PDCD1: variants seen among roughly 807,000 people sequenced by gnomAD.
PDCD1 encodes the protein programmed cell death 1, also known as programmed cell death protein 1.
Under a neutral mutation model 23.6 loss-of-function variants are expected in PDCD1, and 10 were observed. The observed-to-expected ratio is 0.42, with a 90% CI of 0.26 to 0.72. The LOEUF is 0.72. PDCD1 is among the 30% of genes least tolerant of loss of function. The pLI, the probability that PDCD1 is intolerant of heterozygous loss-of-function variation, is 0.24. For missense variants in PDCD1, 313 were observed against 397.8 expected (o/e 0.79, Z 1.81); for synonymous variants, 168 against 169.3 (o/e 0.99, Z 0.06).
chr2:241,851,238 C>T lies in PDCD1; in HGVS notation c.687G>A (p.Gln229=), dbSNP rs2124856493. ...FSVDYGELDF[Q]WREKTPEPPV... is the part of the protein sequence containing the mutation. The stretch of plus-strand genomic sequence containing the variant: ...GGGGCTCCGGGGTCTTCTCTCGCCA[C>T]TGGAAATCCAGCTCCCCATAGTCCA... Residue 229 remains glutamine, a synonymous_variant, in exon 5 of 5, where the codon CAG becomes CAA. Transcript: ENST00000334409. 6.2e-7 allele frequency: 1 copy of T among 1,613,902 alleles called. No homozygotes were observed. Among genetic ancestry groups the T allele is most frequent in the African/African-American group, 1.3e-5 (1 of 75,044 alleles).
chr2:241,857,428 G>A (rs1321008300), intron 1 of PDCD1, among the ~76,000 whole-genome samples: 3 of 152,162 alleles, frequency 2.0e-5, no homozygotes, highest in Admixed American at 6.5e-5. Context: ...GTGGCGTCCC[G>A]AGGGCGTGCC....
chr2:241,856,077 G>C (rs1701018491), intron 1 of PDCD1, among the ~76,000 whole-genome samples: 1 of 152,314 alleles, frequency 6.6e-6, no homozygotes, highest in Admixed American at 6.5e-5. Context: ...CAGAGCCTGG[G>C]GGATGCTTCT....
rs778717227 is a variant in PDCD1 at position 241,851,253 on chromosome 2, C to T, written c.672G>A (p.Gly224=). 2.0e-5 allele frequency: 32 copies of T among 1,613,694 alleles called. No individual in the cohort carries two copies. The highest frequency in any genetic ancestry group is 2.5e-5 in the Non-Finnish European group (30 of 1,179,916). ...SAVPVFSVDY[G]ELDFQWREKT... ...TCTCTCGCCACTGGAAATCCAGCTC[C>T]CCATAGTCCACAGAGAACACAGGCA... The change falls in exon 5 of 5, where the codon GGG becomes GGA. Residue 224 remains glycine (G), a synonymous_variant. Coordinates refer to ENST00000334409, the MANE Select transcript of PDCD1 (RefSeq NM_005018.3).
At chr2:241,856,531 G>T (rs1189740191) in intron 1 of PDCD1, among the ~76,000 whole-genome samples, 1 of 152,192 alleles carries the variant, frequency 6.6e-6, no homozygotes, top group Admixed American at 6.5e-5. Context: ...TTAAAAATCA[G>T]ACTTTAAAAA....
intron 1 of PDCD1, among the ~76,000 whole-genome samples, chr2:241,857,447 C>T (rs1436445826): frequency 5.3e-5 from 8 of 152,160 alleles, no homozygotes; most frequent in South Asian, 2.1e-4. Context: ...CCTGAAGAGC[C>T]GGGACACGGG....
chr2:241,851,937 A>T lies in PDCD1; in HGVS notation c.627+12T>A, dbSNP rs774753692. ...GGCACAGTGGATCATGCAGGAAAAG[A>T]GTGAGACTCACCAGGGGCTGGCCGG... On this transcript the variant is annotated intron_variant, in intron 4 of 4. Coordinates refer to ENST00000334409, the MANE Select transcript of PDCD1 (RefSeq NM_005018.3). The T allele has an allele frequency of 1.9e-6, 3 of 1,613,276 alleles. No individual in the cohort carries two copies. Among genetic ancestry groups the T allele is most frequent in the Non-Finnish European group, 1.7e-6 (2 of 1,179,450 alleles).
intron 2 of PDCD1, 53 bp from the exon 3 acceptor site, chr2:241,852,406 G>A (rs1700922661): frequency 1.5e-6 from 2 of 1,303,406 alleles, no homozygotes; most frequent in South Asian, 1.3e-5. Flanking sequence ...GGAGGGTCAG[G>A]GTCAGGGGTG....
intron 4 of PDCD1, 60 bp from the exon 5 acceptor site, chr2:241,851,357 G>C (rs1370826711): frequency 6.5e-7 from 1 of 1,538,656 alleles, no homozygotes; most frequent in South Asian, 1.2e-5. Context: ...GGAGGCCCGC[G>C]GCTCCACAGC....
chr2:241,854,621 C>T (rs1700974254), intron 1 of PDCD1, among the ~76,000 whole-genome samples: 1 of 152,186 alleles, frequency 6.6e-6, no homozygotes, highest in Non-Finnish European at 1.5e-5. Context: ...GGCTGCAGCC[C>T]TTACTGGGCC....
At chr2:241,854,174 C>T (rs897853786) in intron 1 of PDCD1, among the ~76,000 whole-genome samples, 6 of 152,210 alleles carry the variant, frequency 3.9e-5, no homozygotes, top group Non-Finnish European at 7.3e-5. Context: ...TCCCAGGGGA[C>T]GAGTGAGGGG....
At chr2:241,857,765 C>T (rs771548370) in intron 1 of PDCD1, among the ~76,000 whole-genome samples, 15 of 152,180 alleles carry the variant, frequency 9.9e-5, no homozygotes, top group Admixed American at 6.5e-5. Flanking sequence ...GGCACCAGGA[C>T]CCCCGGGGCA....
At chr2:241,853,439 C>T (rs1700951198) in intron 1 of PDCD1, among the ~76,000 whole-genome samples, 1 of 152,260 alleles carries the variant, frequency 6.6e-6, no homozygotes, top group African/African-American at 2.4e-5. Flanking sequence ...CCTTGGCAGG[C>T]TCAGGGTCCA....
In PDCD1 at chr2:241,852,468, C is replaced by T. The variant is rs34819629; in HGVS notation, c.437-115G>A. 0.04 allele frequency: 45,826 copies of T among 1,149,474 alleles called. 6,159 individuals carry two copies. In the East Asian group the frequency reaches 0.48, roughly 12 times the overall value. The allele number at this position is 1,149,474 out of a possible 1,614,324, so 71.2% of individuals were successfully genotyped here. On this transcript the variant is annotated intron_variant, in intron 2 of 4. Coordinates refer to ENST00000334409, the MANE Select transcript of PDCD1 (RefSeq NM_005018.3). ...TTCCAGAGCTAGAGGACAGAGATGC[C>T]GGTCACCATTCCCCAGGTGCAGGAC...
intron 1 of PDCD1, among the ~76,000 whole-genome samples, chr2:241,853,905 G>A (rs571427662): frequency 6.6e-6 from 1 of 152,388 alleles, no homozygotes; most frequent in East Asian, 1.9e-4. Context: ...CTCAGGCCTG[G>A]GCACGGCCCC....
At chr2:241,852,157 G>A (rs1178577798) in intron 3 of PDCD1, 41 bp downstream of exon 3, 3 of 1,590,518 alleles carry the variant, frequency 1.9e-6, no homozygotes, top group South Asian at 1.1e-5. Context: ...GCCGCCAGCA[G>A]GGTTAGGGCA....
chr2:241,852,138 G>A, intron 3 of PDCD1, 60 bp downstream of exon 3: 2 of 1,558,994 alleles, frequency 1.3e-6, no homozygotes, highest in South Asian at 1.2e-5. Flanking sequence ...AGGGGAGGCG[G>A]GAGTGAGGGC....
At chr2:241,857,985 T>G (rs1479315115) in intron 1 of PDCD1, among the ~76,000 whole-genome samples, 1 of 152,008 alleles carries the variant, frequency 6.6e-6, no homozygotes, top group Non-Finnish European at 1.5e-5. Context: ...GAGCGGGCTG[T>G]GGTCACAGTG....
Position 241,850,629 on chromosome 2 carries a change from G to T in PDCD1, c.*429C>A, listed in dbSNP as rs1559446759. 2.2e-6 allele frequency: 1 copy of T among 453,238 alleles called. No homozygotes were observed. The highest frequency in any genetic ancestry group is 4.1e-6 in the Non-Finnish European group (1 of 241,600). The allele number at this position is 453,238 out of a possible 1,614,324, so 28.1% of individuals were successfully genotyped here. On this transcript the variant is annotated 3_prime_UTR_variant, in exon 5 of 5. Coordinates refer to ENST00000334409, the MANE Select transcript of PDCD1 (RefSeq NM_005018.3). ...GGATGCCACTGCCAGGGGCACCTTG[G>T]CTGCTCCAAGGCCATCTCCAACCAG...
chr2:241,857,335 T>C (rs1701047773), intron 1 of PDCD1, among the ~76,000 whole-genome samples: 1 of 152,168 alleles, frequency 6.6e-6, no homozygotes, highest in South Asian at 2.1e-4. Context: ...GAGAGTCTTG[T>C]CCGGCACAAG....
Sources: gnomAD v4.1 joint callset for allele counts (sites outside exome capture counted in the v4.1 genomes callset) on GRCh38, gnomAD v4.1.1 for gene constraint, MANE v1.5 for transcripts, NCBI Gene and HGNC (gene_info 2026-07-23, HGNC 2026-07-21) for gene names.